Variants in CACNA1A observed in about 807,000 individuals in gnomAD.
CACNA1A encodes the protein calcium voltage-gated channel subunit alpha1 A.
A neutral mutation model predicts 262.4 loss-of-function variants in CACNA1A; 57 were observed. The ratio of observed to expected loss-of-function variants is 0.22; its 90% confidence interval spans 0.18 to 0.27. The LOEUF (loss-of-function observed/expected upper bound fraction) is 0.27, where lower values mean the gene tolerates loss of function less well. Among genes scored for constraint, CACNA1A ranks in the 10% least tolerant of loss-of-function variants. The pLI, the probability that CACNA1A is intolerant of heterozygous loss-of-function variation, is 1.00. For synonymous variants in CACNA1A, 1,431 were observed against 1,419.3 expected (o/e 1.01, Z -0.18); for missense variants, 2,526 against 3,562.8 (o/e 0.71, Z 7.41).
rs1227395841 is a variant in CACNA1A at position 13,409,993 on chromosome 19, CACT to C, written c.540-38217_540-38215del. Among the ~76,000 whole-genome samples the C allele has an allele frequency of 3.9e-5, 6 of 152,138 alleles. No homozygotes were observed. In the South Asian group the frequency reaches 1.0e-3, roughly 26 times the overall value. On this transcript the variant is annotated intron_variant, in intron 3 of 46. Coordinates refer to ENST00000360228, the MANE Select transcript of CACNA1A (RefSeq NM_001127222.2). ...GAAGAGAATTTCCACAAGCAACCAC[CACT>C]ATTATTTACTCTCTACCTCCCAGCA...
At chr19:13,268,276 C>T (rs1219202024) in intron 24 of CACNA1A, among the ~76,000 whole-genome samples, 3 of 152,092 alleles carry the variant, frequency 2.0e-5, no homozygotes, top group Non-Finnish European at 2.9e-5. Flanking sequence ...CTGGTCCTCT[C>T]GTGATTCATT....
At chr19:13,401,652 AC>A (rs1400235997) in intron 3 of CACNA1A, among the ~76,000 whole-genome samples, 2 of 151,732 alleles carry the variant, frequency 1.3e-5, no homozygotes, top group Non-Finnish European at 2.9e-5. Flanking sequence ...CCTCATAAGT[AC>A]CTCCCACTCC....
intron 26 of CACNA1A, chr19:13,259,970 G>A (rs775528133): frequency 3.9e-5 from 15 of 388,252 alleles, no homozygotes; most frequent in Admixed American, 1.2e-4. Context: ...CTCTTCCAAC[G>A]TGATAACTTC....
chr19:13,270,052 C>T (rs1245111308), intron 24 of CACNA1A, among the ~76,000 whole-genome samples: 1 of 152,116 alleles, frequency 6.6e-6, no homozygotes, highest in Non-Finnish European at 1.5e-5. Context: ...AGAACCCAGG[C>T]TGGCCAGGCT....
intron 3 of CACNA1A, among the ~76,000 whole-genome samples, chr19:13,448,776 T>C (rs1434342255): frequency 2.0e-5 from 3 of 152,196 alleles, no homozygotes; most frequent in South Asian, 2.1e-4. Flanking sequence ...ACAATCCAAA[T>C]AGATAAATAC....
chr19:13,324,512 C>G (rs1037539969), intron 10 of CACNA1A, among the ~76,000 whole-genome samples: 9 of 152,138 alleles, frequency 5.9e-5, no homozygotes, highest in African/African-American at 2.2e-4. Context: ...CTGAATCATT[C>G]TATGATGTAT....
chr19:13,281,707 G>C (rs576663271), intron 22 of CACNA1A, among the ~76,000 whole-genome samples: 1 of 152,320 alleles, frequency 6.6e-6, no homozygotes, highest in African/African-American at 2.4e-5. Flanking sequence ...CACATGCCGC[G>C]TGGGGCGTTT....
chr19:13,382,385 C>G (rs2059538710), intron 3 of CACNA1A, among the ~76,000 whole-genome samples: 1 of 152,154 alleles, frequency 6.6e-6, no homozygotes, highest in Admixed American at 6.6e-5. Context: ...CCTGTGCAAT[C>G]CCAGCTGGCT....
chr19:13,457,853 CAAAA>C (rs775895393), intron 1 of CACNA1A, among the ~76,000 whole-genome samples: 3 of 58,662 alleles, frequency 5.1e-5, no homozygotes, highest in Non-Finnish European at 7.2e-5. Context: ...AACTCCGTTT[CAAAA>C]AAAAAAAAAA....
In CACNA1A at chr19:13,330,221, AGGTG is replaced by A; in HGVS notation, c.1345+19_1345+22del. Reference sequence around the variant, plus strand: ...GGGCGATAGGTGATGAACAACTGATAGGTGGCAGAGGAAGGGACTCACCCACAGA... The same window carrying A: ...GGGCGATAGGTGATGAACAACTGATAGCAGAGGAAGGGACTCACCCACAGA... On this transcript the variant is annotated intron_variant, in intron 10 of 46. Transcript: ENST00000360228. 5.3e-6 allele frequency: 8 copies of A among 1,496,124 alleles called. No homozygotes were observed. The highest frequency in any genetic ancestry group is 6.4e-6 in the Non-Finnish European group (7 of 1,096,210). The allele number at this position is 1,496,124 out of a possible 1,614,324, so 92.7% of individuals were successfully genotyped here.
At chr19:13,393,702 T>C (rs2059755720) in intron 3 of CACNA1A, among the ~76,000 whole-genome samples, 2 of 133,824 alleles carry the variant, frequency 1.5e-5, no homozygotes, top group South Asian at 2.8e-4. Context: ...TTTCTTTACC[T>C]TTCTCTCTCT....
chr19:13,229,031 C>A, intron 36 of CACNA1A: 1 of 293,172 alleles, frequency 3.4e-6, no homozygotes, highest in Non-Finnish European at 6.3e-6. Flanking sequence ...TCTGCATCTG[C>A]CTCCTCCACA....
intron 3 of CACNA1A, among the ~76,000 whole-genome samples, chr19:13,434,172 T>C (rs1290311243): frequency 1.3e-5 from 2 of 152,180 alleles, no homozygotes; most frequent in Non-Finnish European, 2.9e-5. Context: ...ATTATTATTT[T>C]TAGAGATAAG....
intron 36 of CACNA1A, among the ~76,000 whole-genome samples, chr19:13,227,852 G>A (rs946931499): frequency 6.6e-6 from 1 of 151,580 alleles, no homozygotes; most frequent in East Asian, 1.9e-4. Flanking sequence ...ATGCGGAGGG[G>A]AGGGAGAATT....
At position 13,332,872 on chromosome 19, in the gene CACNA1A, C is replaced by T. The variant is rs2058490573; in HGVS notation, c.1252G>A (p.Asp418Asn). The change falls in exon 9 of 47, where the codon GAT becomes AAT. Residue 418 changes from aspartate to asparagine, a missense_variant. Asp to Asn is a conservative substitution (Grantham distance 23). Coordinates refer to ENST00000360228, the MANE Select transcript of CACNA1A (RefSeq NM_001127222.2). ...GAGGTGGGTTTAGAGCAGTTACCAT[C>T]AAAGGGATGCCTCTGCTCCCCGTCA... ...ETDGEQRHPF[D>N]ALRRTTIKKS... 1 of 1,611,146 alleles carries T rather than the reference C, an allele frequency of 6.2e-7. No individual in the cohort carries two copies. The highest frequency in any genetic ancestry group is 8.5e-7 in the Non-Finnish European group (1 of 1,177,652).
chr19:13,286,692 G>A lies in CACNA1A; in HGVS notation c.3364C>T (p.Arg1122Cys), dbSNP rs774407963. 23 of 1,577,218 alleles carry A rather than the reference G, an allele frequency of 1.5e-5. No individual in the cohort carries two copies. The highest frequency in any genetic ancestry group is 2.3e-5 in the East Asian group (1 of 44,422). Residue 1122 changes from arginine to cysteine, a missense_variant, in exon 20 of 47, where the codon CGC (arginine) becomes TGC (cysteine). Physicochemically the swap from Arg to Cys is radical, Grantham distance 180. Coordinates refer to ENST00000360228, the MANE Select transcript of CACNA1A (RefSeq NM_001127222.2). ...TTCCCCGGGTTGTTGGGCGTCCGGC[G>A]GCTGGCGGCGTTCTGGGGGTTGGTG... ...MATNPQNAAS[R>C]RTPNNPGNPS...
At chr19:13,417,645 T>C (rs966891597) in intron 3 of CACNA1A, among the ~76,000 whole-genome samples, 8 of 152,030 alleles carry the variant, frequency 5.3e-5, no homozygotes, top group Non-Finnish European at 1.0e-4. Flanking sequence ...TCCCAGCACT[T>C]TGGGAGACCG....
chr19:13,387,241 C>T (rs2059630912), intron 3 of CACNA1A, among the ~76,000 whole-genome samples: 1 of 152,316 alleles, frequency 6.6e-6, no homozygotes, highest in South Asian at 2.1e-4. Flanking sequence ...CAGGCATGAG[C>T]CACTGCGCCC....
intron 6 of CACNA1A, among the ~76,000 whole-genome samples, chr19:13,347,000 G>A: frequency 6.7e-6 from 1 of 150,224 alleles, no homozygotes; most frequent in East Asian, 2.0e-4. Context: ...TATATTTTTT[G>A]GATACATGTG....
Sources: allele counts gnomAD v4.1 joint callset (sites outside exome capture counted in the v4.1 genomes callset), GRCh38; gene constraint gnomAD v4.1.1; transcripts MANE v1.5; gene names NCBI Gene and HGNC (gene_info 2026-07-23, HGNC 2026-07-21).